Variants in IMMP2L observed in about 807,000 individuals in gnomAD.
IMMP2L encodes mitochondrial inner membrane protease subunit 2.
A neutral mutation model predicts 19.3 loss-of-function variants in IMMP2L; 18 were observed. The observed-to-expected ratio is 0.93, with a 90% CI of 0.64 to 1.38. The LOEUF (loss-of-function observed/expected upper bound fraction) is 1.38. Ranked by LOEUF, IMMP2L falls within the 40% of genes most tolerant of loss-of-function variation. IMMP2L has a pLI of 0.00. For missense variants in IMMP2L, 233 were observed against 218.2 expected (o/e 1.07, Z -0.43); for synonymous variants, 76 against 73.0 (o/e 1.04, Z -0.21).
intron 5 of IMMP2L, among the ~76,000 whole-genome samples, chr7:110,871,419 A>C (rs1339383115): frequency 6.6e-6 from 1 of 152,096 alleles, no homozygotes; most frequent in Admixed American, 6.6e-5. Context: ...GAAGGATGAA[A>C]ATGTAAAGGA....
chr7:110,836,499 C>T (rs1804490825), intron 5 of IMMP2L, among the ~76,000 whole-genome samples: 1 of 152,134 alleles, frequency 6.6e-6, no homozygotes, highest in Non-Finnish European at 1.5e-5. Flanking sequence ...GCTCTCTTCT[C>T]TTGCCTGCTG....
rs542275486 is a variant in IMMP2L at position 110,983,422 on chromosome 7, C to T, written c.240-19857G>A. On this transcript the variant is annotated intron_variant, in intron 3 of 5. Transcript: ENST00000405709. ...GTCACTTTTATAAAACAGAAATCTTCTCAAAGTTCACTTGAGAAATCACTG... is the reference window on the plus strand; with the variant it reads ...GTCACTTTTATAAAACAGAAATCTTTTCAAAGTTCACTTGAGAAATCACTG... Among the ~76,000 whole-genome samples, 5 of 152,168 alleles carry T rather than the reference C, an allele frequency of 3.3e-5. No individual in the cohort carries two copies. The East Asian group carries it at 9.7e-4, about 29-fold the overall frequency.
At chr7:110,905,871 A>G (rs1812397170) in intron 4 of IMMP2L, among the ~76,000 whole-genome samples, 1 of 152,214 alleles carries the variant, frequency 6.6e-6, no homozygotes, top group African/African-American at 2.4e-5. Flanking sequence ...AACATGAAAT[A>G]CACAATTTAT....
At chr7:110,931,032 T>C (rs1040052023) in intron 4 of IMMP2L, among the ~76,000 whole-genome samples, 5 of 152,178 alleles carry the variant, frequency 3.3e-5, no homozygotes, top group African/African-American at 1.2e-4. Context: ...ATTGTAATTT[T>C]TCTGCAGGCT....
intron 3 of IMMP2L, among the ~76,000 whole-genome samples, chr7:111,238,352 T>G (rs1342069173): frequency 6.6e-6 from 1 of 152,064 alleles, no homozygotes; most frequent in Non-Finnish European, 1.5e-5. Context: ...TGTTTGACTT[T>G]GGGCAAGTTA....
rs576005060 is a variant in IMMP2L at position 111,149,666 on chromosome 7, G to GA, written c.240-186102dup. Among the ~76,000 whole-genome samples the GA allele has an allele frequency of 2.5e-4, 38 of 152,048 alleles. No homozygotes were observed. In the South Asian group the frequency reaches 7.9e-3, roughly 32 times the overall value. The stretch of plus-strand genomic sequence containing the variant: ...CCAAAAAATTTTCCAACATATATAG[G>GA]AAAAAATCCACGTACAGACGGACCC... On this transcript the variant is annotated intron_variant, in intron 3 of 5. Transcript: ENST00000405709.
intron 3 of IMMP2L, among the ~76,000 whole-genome samples, chr7:110,972,499 G>C (rs1490830479): frequency 3.3e-5 from 5 of 151,964 alleles, no homozygotes; most frequent in Non-Finnish European, 1.5e-5. Context: ...CTATAGAGAG[G>C]GGGGAAAGAG....
chr7:111,143,430 T>C (rs1803150001), intron 3 of IMMP2L, among the ~76,000 whole-genome samples: 1 of 152,130 alleles, frequency 6.6e-6, no homozygotes, highest in Admixed American at 6.6e-5. Context: ...ACAACAGGTG[T>C]TATCCTAAAA....
intron 4 of IMMP2L, among the ~76,000 whole-genome samples, chr7:110,893,026 T>C (rs1466855617): frequency 6.6e-6 from 1 of 152,098 alleles, no homozygotes; most frequent in East Asian, 1.9e-4. Flanking sequence ...TTCAATATAT[T>C]GTCGGTTCAA....
chr7:111,072,439 G>C (rs1795031629), intron 3 of IMMP2L, among the ~76,000 whole-genome samples: 1 of 152,010 alleles, frequency 6.6e-6, no homozygotes, highest in Non-Finnish European at 1.5e-5. Context: ...CTTTTGATAT[G>C]ATGAACTTAA....
At chr7:110,904,629 A>G (rs747073802) in intron 4 of IMMP2L, among the ~76,000 whole-genome samples, 1 of 152,112 alleles carries the variant, frequency 6.6e-6, no homozygotes, top group Admixed American at 6.5e-5. Flanking sequence ...TTATTCCACT[A>G]CCTTAAACAA....
At chr7:110,933,592 T>C (rs1815741669) in intron 4 of IMMP2L, among the ~76,000 whole-genome samples, 1 of 152,188 alleles carries the variant, frequency 6.6e-6, no homozygotes, top group Admixed American at 6.6e-5. Context: ...CTCTTTGGTG[T>C]TGCTTTATGC....
At chr7:110,691,018 T>A (rs752009895) in intron 5 of IMMP2L, among the ~76,000 whole-genome samples, 3 of 151,798 alleles carry the variant, frequency 2.0e-5, no homozygotes, top group African/African-American at 7.3e-5. Flanking sequence ...GCCATAACAA[T>A]CCTAAACAAA....
At chr7:111,166,176 T>C (rs1805795279) in intron 3 of IMMP2L, among the ~76,000 whole-genome samples, 2 of 152,014 alleles carry the variant, frequency 1.3e-5, no homozygotes, top group South Asian at 4.1e-4. Flanking sequence ...AATTGATGCT[T>C]AGATGGGTAT....
chr7:110,982,434 G>T (rs933598314), intron 3 of IMMP2L, among the ~76,000 whole-genome samples: 1 of 152,060 alleles, frequency 6.6e-6, no homozygotes, highest in East Asian at 1.9e-4. Flanking sequence ...TCATATTAAG[G>T]GGAAAAAGAC....
chr7:111,241,048 C>T (rs918936269), intron 3 of IMMP2L, among the ~76,000 whole-genome samples: 4 of 151,832 alleles, frequency 2.6e-5, no homozygotes, highest in African/African-American at 9.6e-5. Context: ...GTATCCTTCT[C>T]GGAAAACCTT....
At chr7:111,533,989 A>G (rs1333190854) in intron 1 of IMMP2L, among the ~76,000 whole-genome samples, 1 of 152,076 alleles carries the variant, frequency 6.6e-6, no homozygotes, top group Non-Finnish European at 1.5e-5. Flanking sequence ...ATTTTGAGAG[A>G]AAGGTATTTC....
intron 3 of IMMP2L, among the ~76,000 whole-genome samples, chr7:111,333,542 T>C (rs764879104): frequency 6.6e-5 from 10 of 151,962 alleles, no homozygotes; most frequent in South Asian, 4.2e-4. Context: ...ATTGAGTGGA[T>C]TGTAATATTG....
At chr7:110,879,509 A>G (rs1809431676) in intron 5 of IMMP2L, among the ~76,000 whole-genome samples, 1 of 152,114 alleles carries the variant, frequency 6.6e-6, no homozygotes, top group Admixed American at 6.6e-5. Flanking sequence ...GTGTCTTTGT[A>G]TACTCACTCT....
Sources: gnomAD v4.1 joint callset for allele counts (sites outside exome capture counted in the v4.1 genomes callset) on GRCh38, gnomAD v4.1.1 for gene constraint, MANE v1.5 for transcripts, NCBI Gene and HGNC (gene_info 2026-07-23, HGNC 2026-07-21) for gene names.